ATP2B2: variants seen among roughly 807,000 people sequenced by gnomAD.
ATP2B2 encodes ATPase plasma membrane Ca2+ transporting 2.
In ATP2B2, 15 loss-of-function variants were observed where a neutral mutation model predicts 120.0. That is an observed-to-expected ratio of 0.12 (90% confidence interval 0.08 to 0.19). ATP2B2 has a LOEUF of 0.19. Ranked by LOEUF, ATP2B2 falls within the 10% of genes least tolerant of loss-of-function variation. The pLI is 1.00. For missense variants in ATP2B2, 1,045 were observed against 1,719.8 expected (o/e 0.61, Z 6.94); for synonymous variants, 694 against 700.3 (o/e 0.99, Z 0.14).
chr3:10,669,060 T>C (rs1368026081), intron 1 of ATP2B2, among the ~76,000 whole-genome samples: 1 of 152,064 alleles, frequency 6.6e-6, no homozygotes, highest in Non-Finnish European at 1.5e-5. Flanking sequence ...AACAACAAAA[T>C]GCTCAGAATG....
chr3:10,511,049 C>T (rs1466753419), intron 3 of ATP2B2, among the ~76,000 whole-genome samples: 1 of 152,174 alleles, frequency 6.6e-6, no homozygotes, highest in African/African-American at 2.4e-5. Flanking sequence ...CAAATAACCA[C>T]TCCAGACTGC....
chr3:10,377,031 C>T (rs1266176000), intron 10 of ATP2B2, among the ~76,000 whole-genome samples: 1 of 152,170 alleles, frequency 6.6e-6, no homozygotes, highest in Non-Finnish European at 1.5e-5. Context: ...GGGAATTCAG[C>T]CAAAGAGAGA....
chr3:10,601,287 T>C (rs939038963), intron 2 of ATP2B2, among the ~76,000 whole-genome samples: 6 of 152,172 alleles, frequency 3.9e-5, no homozygotes, highest in African/African-American at 1.4e-4. Flanking sequence ...AGGAGTCCAG[T>C]TCGGTCATAC....
intron 2 of ATP2B2, among the ~76,000 whole-genome samples, chr3:10,420,653 C>T (rs1435591901): frequency 6.6e-6 from 1 of 152,244 alleles, no homozygotes; most frequent in Non-Finnish European, 1.5e-5. Flanking sequence ...TGAGCCACCA[C>T]GCCCGGCCTG....
Position 10,541,535 on chromosome 3 carries a change from G to A in ATP2B2, c.-414-7402C>T, listed in dbSNP as rs187904986. On this transcript the variant is annotated intron_variant, in intron 2 of 21. Transcript: ENST00000646379. ...TTTCTCTTTGGCCACAGATTATTTAGATATGCATTATTTAGTTTCTAAGTG... is the reference window on the plus strand; with the variant it reads ...TTTCTCTTTGGCCACAGATTATTTAAATATGCATTATTTAGTTTCTAAGTG... Among the ~76,000 whole-genome samples the A allele has an allele frequency of 9.9e-5, 15 of 152,188 alleles. No individual in the cohort carries two copies. In the East Asian group the frequency reaches 1.4e-3, roughly 14 times the overall value.
At chr3:10,682,690 G>A (rs532773161) in intron 1 of ATP2B2, among the ~76,000 whole-genome samples, 2 of 152,328 alleles carry the variant, frequency 1.3e-5, no homozygotes, top group East Asian at 3.9e-4. Context: ...TGAGGGTCTA[G>A]GTGAATGGAT....
Position 10,496,190 on chromosome 3 carries a change from T to G in ATP2B2, c.-320+9275A>C, listed in dbSNP as rs957950888. Among the ~76,000 whole-genome samples, 10 of 152,186 alleles carry G rather than the reference T, an allele frequency of 6.6e-5. No individual in the cohort carries two copies. In the South Asian group the frequency reaches 1.7e-3, roughly 25 times the overall value. ...GAGCTCTTAATCTGCTGCCTTCAGA[T>G]AGTTGCTAGGAAGAGACTGGCACCC... On this transcript the variant is annotated intron_variant, in intron 1 of 22. Coordinates refer to ENST00000360273, the MANE Select transcript of ATP2B2 (RefSeq NM_001001331.4).
rs1466213188 is a variant in ATP2B2, at chr3:10,676,703, GA to G, written c.-460+31211del. Among the ~76,000 whole-genome samples the G allele has an allele frequency of 4.6e-5, 7 of 152,306 alleles. No homozygotes were observed. The East Asian group carries it at 1.3e-3, about 29-fold the overall frequency. ...TCTAGAAAGTCCTCCCTAAGGGGGA[GA>G]AAATTAACGATTAAGGATATGCACA... On this transcript the variant is annotated intron_variant, in intron 1 of 21. Transcript: ENST00000646379.
chr3:10,424,959 A>T (rs1055273498), intron 2 of ATP2B2, among the ~76,000 whole-genome samples: 2 of 152,162 alleles, frequency 1.3e-5, no homozygotes, highest in Admixed American at 1.3e-4. Context: ...CACTATGATT[A>T]GTTGCAGTGG....
intron 13 of ATP2B2, 93 bp from the exon 14 acceptor site, chr3:10,359,018 G>A (rs2060820502): frequency 7.4e-6 from 9 of 1,210,780 alleles, no homozygotes; most frequent in Non-Finnish European, 8.2e-6. Flanking sequence ...TGCCCAGCTA[G>A]CTGTGGCTGG....
Position 10,375,853 on chromosome 3 carries a change from C to T in ATP2B2, c.1202-209G>A, listed in dbSNP as rs41293345. The stretch of plus-strand genomic sequence containing the variant: ...TCTCCTGCTCTGTACAATGGGGATG[C>T]ATACTTCCTCCCCAAGATTTTGTAA... On this transcript the variant is annotated intron_variant, in intron 10 of 22. Transcript: ENST00000360273. This position sits in a 1 kb window ranked among gnomAD's most constrained non-coding sequence, Gnocchi z 4.2. Among the ~76,000 whole-genome samples the T allele has an allele frequency of 0.022, 3,356 of 152,294 alleles. 70 individuals are homozygous for T. Among genetic ancestry groups the T allele is most frequent in the Non-Finnish European group, 0.035 (2,382 of 68,016 alleles).
At chr3:10,485,047 C>T (rs2065585199) in intron 1 of ATP2B2, among the ~76,000 whole-genome samples, 1 of 152,206 alleles carries the variant, frequency 6.6e-6, no homozygotes, top group Admixed American at 6.5e-5. Context: ...TGGTTGAGGG[C>T]TCAGTCTGGG....
chr3:10,336,256 C>T (rs980714319), intron 22 of ATP2B2: 3 of 1,550,588 alleles, frequency 1.9e-6, no homozygotes, highest in East Asian at 4.9e-5. Context: ...TCCGCAGGGC[C>T]CCCTGAAAGG....
chr3:10,488,511 C>CCTTCG (rs2065813045), intron 1 of ATP2B2, among the ~76,000 whole-genome samples: 1 of 75,714 alleles, frequency 1.3e-5, no homozygotes, highest in African/African-American at 4.3e-5. Flanking sequence ...TCCTTCGTTC[C>CCTTCG]TTCCTTCCTT....
At chr3:10,564,168 A>G (rs1381618639) in intron 2 of ATP2B2, among the ~76,000 whole-genome samples, 1 of 152,180 alleles carries the variant, frequency 6.6e-6, no homozygotes, top group African/African-American at 2.4e-5. Flanking sequence ...TGTCTGTCAG[A>G]AAAAGACTCA....
At chr3:10,653,716 T>G (rs1325943146) in intron 1 of ATP2B2, among the ~76,000 whole-genome samples, 1 of 152,206 alleles carries the variant, frequency 6.6e-6, no homozygotes, top group Admixed American at 6.5e-5. Flanking sequence ...ATAAGGCATG[T>G]GCCATTATTG....
intron 1 of ATP2B2, among the ~76,000 whole-genome samples, chr3:10,491,977 G>C (rs2065950075): frequency 6.6e-6 from 1 of 152,164 alleles, no homozygotes; most frequent in Non-Finnish European, 1.5e-5. Flanking sequence ...GACAAAATAG[G>C]GTATCGACAG....
chr3:10,616,394 A>G (rs991721315), intron 2 of ATP2B2, among the ~76,000 whole-genome samples: 2 of 152,198 alleles, frequency 1.3e-5, no homozygotes, highest in African/African-American at 4.8e-5. Context: ...AGAGGAAACC[A>G]GCCCTGCCAA....
At chr3:10,510,279 C>G (rs1265433123), upstream of ATP2B2, among the ~76,000 whole-genome samples, 1 of 152,264 alleles carries the variant, frequency 6.6e-6, no homozygotes, top group Non-Finnish European at 1.5e-5. Context: ...ATTCTGTGCA[C>G]ACACCTCGTG....
Sources: allele counts gnomAD v4.1 joint callset (sites outside exome capture counted in the v4.1 genomes callset), GRCh38; gene constraint gnomAD v4.1.1; non-coding constraint Gnocchi (gnomAD v3.1); transcripts MANE v1.5; gene names NCBI Gene and HGNC (gene_info 2026-07-23, HGNC 2026-07-21).